Variants in SLFN13 observed in about 807,000 individuals in gnomAD.
SLFN13 encodes schlafen-13.
SLFN13 carries 43 observed loss-of-function variants against 50.6 expected under a neutral mutation model. That is an observed-to-expected ratio of 0.85 (90% CI 0.67 to 1.09). The LOEUF (loss-of-function observed/expected upper bound fraction) is 1.09. SLFN13 is among the 50% of genes least tolerant of loss of function. The probability of loss-of-function intolerance (pLI) is 0.00; values close to 1 mark genes in which losing one functional copy is unlikely to be tolerated. For missense variants in SLFN13, 881 were observed against 1,071.1 expected (o/e 0.82, Z 2.48); for synonymous variants, 339 against 386.5 (o/e 0.88, Z 1.44).
Position 35,445,378 on chromosome 17 carries a change from G to A in SLFN13, c.303C>T (p.His101=), listed in dbSNP as rs758338060. The change falls in exon 3 of 6, where the codon CAC becomes CAT. Residue 101 remains histidine, a synonymous_variant. Transcript: ENST00000285013. ...YLQAFFETKQ[H]GRCFYIFVKS... ...TAACAAAAATATAAAAACACCTTCC[G>A]TGTTGCTTAGTCTCAAAGAAAGCCT... is the stretch of plus-strand genomic sequence containing the variant. 15 of 1,613,944 alleles carry A rather than the reference G, an allele frequency of 9.3e-6. No homozygotes were observed. The highest frequency in any genetic ancestry group is 3.3e-5 in the Admixed American group (2 of 59,994).
rs146591920 is a variant in SLFN13 at position 35,444,544 on chromosome 17, A to G, written c.1066+71T>C. 2.7e-5 allele frequency: 37 copies of G among 1,351,406 alleles called. No individual in the cohort carries two copies. In the East Asian group the frequency reaches 6.7e-4, roughly 25 times the overall value. The allele number at this position is 1,351,406 out of a possible 1,614,324, so 83.7% of individuals were successfully genotyped here. ...GTGGGTGTGAGAAGGTCAAGCTTAG[A>G]GAATAAAGAAGGAAGTGGTATTGGG... On this transcript the variant is annotated intron_variant, in intron 3 of 5. Transcript: ENST00000285013.
rs1018463225 is a variant in SLFN13, at chr17:35,439,559, C to CCT, written c.*1034_*1035dup. 3.3e-4 allele frequency: 50 copies of CCT among 152,180 alleles called. No homozygotes were observed. Among genetic ancestry groups the CCT allele is most frequent in the African/African-American group, 1.0e-3 (42 of 41,440 alleles). 9.4% of individuals were successfully genotyped at this position (152,180 alleles called of 1,614,324 possible). A position where few individuals can be genotyped will look rare whatever the true frequency, so the allele number is the denominator to read the frequency against. ...GTGACATGATCTCAGCTCACTGCAACCTCTGCCTCCAGGATTCAAGTGATT... is the reference window on the plus strand; with the variant it reads ...GTGACATGATCTCAGCTCACTGCAACCTCTCTGCCTCCAGGATTCAAGTGATT... On this transcript the variant is annotated 3_prime_UTR_variant, in exon 6 of 6. Transcript: ENST00000285013.
chr17:35,441,509 A>G, intron 5 of SLFN13, 54 bp downstream of exon 5: 2 of 1,609,390 alleles, frequency 1.2e-6, no homozygotes, highest in South Asian at 1.1e-5. Flanking sequence ...ACTTAGCAGA[A>G]AAAATTAAAC....
chr17:35,437,329 C>T lies in SLFN13; in HGVS notation c.*3266G>A, dbSNP rs760832740. On this transcript the variant is annotated 3_prime_UTR_variant, in exon 6 of 6. Coordinates refer to ENST00000285013, the MANE Select transcript of SLFN13 (RefSeq NM_144682.6). Reference sequence around the variant, plus strand: ...GCCTCGGCCTCTGGAATAGCTAGGACTGCAGGAGCACACCACCACACCCAG... The same window carrying T: ...GCCTCGGCCTCTGGAATAGCTAGGATTGCAGGAGCACACCACCACACCCAG... The T allele has an allele frequency of 4.6e-5, 7 of 152,032 alleles. No homozygotes were observed. The highest frequency in any genetic ancestry group is 8.8e-5 in the Non-Finnish European group (6 of 68,058). 9.4% of individuals were successfully genotyped at this position (152,032 alleles called of 1,614,324 possible). A position where few individuals can be genotyped will look rare whatever the true frequency, so the allele number is the denominator to read the frequency against.
At position 35,440,335 on chromosome 17, in the gene SLFN13, G is replaced by T; in HGVS notation, c.*260C>A. 3 of 544,092 alleles carry T rather than the reference G, an allele frequency of 5.5e-6. No individual in the cohort carries two copies. Among genetic ancestry groups the T allele is most frequent in the South Asian group, 4.7e-5 (2 of 42,926 alleles). 33.7% of individuals were successfully genotyped at this position (544,092 alleles called of 1,614,324 possible). ...GTCTGCATTGTGCAGCACAGCTAAA[G>T]TTCCTTTAGAAAACCACCATCTTTC... On this transcript the variant is annotated 3_prime_UTR_variant, in exon 6 of 6. Transcript: ENST00000285013.
In SLFN13 at chr17:35,440,725, C is replaced by T. The variant is rs771148981; in HGVS notation, c.2564G>A (p.Arg855Gln). ...LGVHIVLDSV[R>Q]RFSGLERSIV... ...GCTCCTTTCCAGGCCTGAGAATCGC[C>T]GGACACTGTCCAACACAATGTGCAC... is the stretch of plus-strand genomic sequence containing the variant. The change falls in exon 6 of 6, where the codon CGG (arginine) becomes CAG (glutamine). Residue 855 changes from arginine to glutamine, a missense_variant. By Grantham distance (43) the Arg-to-Gln change is conservative (BLOSUM62 1). Around this residue, in one of 5 missense-constraint regions of SLFN13, gnomAD observed 322 missense variants for 327.4 expected, o/e 0.98. Coordinates refer to ENST00000285013, the MANE Select transcript of SLFN13 (RefSeq NM_144682.6). The T allele has an allele frequency of 1.4e-5, 22 of 1,613,992 alleles. 1 individual carries two copies. Among genetic ancestry groups the T allele is most frequent in the East Asian group, 8.9e-5 (4 of 44,898 alleles).
rs902182556 is a variant in SLFN13 at position 35,442,286 on chromosome 17, A to G, written c.1199T>C (p.Val400Ala). 5.8e-6 allele frequency: 9 copies of G among 1,562,884 alleles called. No individual in the cohort carries two copies. Among genetic ancestry groups the G allele is most frequent in the South Asian group, 1.2e-5 (1 of 83,264 alleles). ...AGTACATTCCAAATGTCCTGGTGGA[A>G]CTAGACAGGAAGAAAATAGAAAGAT... ...KADLQQHLFP[V>A]PPGHLECTPE... The change falls in exon 5 of 6, where the codon GTT becomes GCT. Residue 400 changes from valine to alanine, a missense_variant and splice_region_variant. Val to Ala is a moderately conservative substitution (Grantham distance 64). Coordinates refer to ENST00000285013, the MANE Select transcript of SLFN13 (RefSeq NM_144682.6).
Position 35,435,096 on chromosome 17 carries a change from G to A in SLFN13, c.*5499C>T, listed in dbSNP as rs1306439184. 6.6e-6 allele frequency: 1 copy of A among 151,928 alleles called. No homozygotes were observed. The highest frequency in any genetic ancestry group is 6.5e-5 in the Admixed American group (1 of 15,272). The allele number at this position is 151,928 out of a possible 1,614,324, so 9.4% of individuals were successfully genotyped here. A position where few individuals can be genotyped will look rare whatever the true frequency, so the allele number is the denominator to read the frequency against. ...AGTGAGCAGAGTAAAAACATTCACA[G>A]AACTTTTAAATTATGTTTTTATTAA... On this transcript the variant is annotated 3_prime_UTR_variant, in exon 6 of 6. Coordinates refer to ENST00000285013, the MANE Select transcript of SLFN13 (RefSeq NM_144682.6).
chr17:35,441,259 T>C lies in SLFN13; in HGVS notation c.2030A>G (p.Asp677Gly). The stretch of plus-strand genomic sequence containing the variant: ...TTTTGCCTTCCTATACCAGTCCCCA[T>C]CTTCAGTACGGAAATTCTGAGCTTC... ...IDEAQNFRTEDGDWYRKAKTI... is the reference protein window; with the variant it reads ...IDEAQNFRTEGGDWYRKAKTI... Residue 677 changes from aspartate to glycine, a missense_variant, in exon 6 of 6, where the codon GAT (aspartate) becomes GGT (glycine). By Grantham distance (94) the Asp-to-Gly change is moderately conservative. Around this residue, in one of 5 missense-constraint regions of SLFN13, gnomAD observed 322 missense variants for 327.4 expected, o/e 0.98. Coordinates refer to ENST00000285013, the MANE Select transcript of SLFN13 (RefSeq NM_144682.6). 3.7e-6 allele frequency: 6 copies of C among 1,614,088 alleles called. No individual in the cohort carries two copies. The highest frequency in any genetic ancestry group is 5.1e-6 in the Non-Finnish European group (6 of 1,180,006).
In SLFN13 at chr17:35,440,507, C is replaced by T; in HGVS notation, c.*88G>A. On this transcript the variant is annotated 3_prime_UTR_variant, in exon 6 of 6. Coordinates refer to ENST00000285013, the MANE Select transcript of SLFN13 (RefSeq NM_144682.6). Reference sequence around the variant, plus strand: ...TCCAAATCTCTAACTGACTTGTGAACTAAAAAGAAAGGTTTCTACCATCAG... The same window carrying T: ...TCCAAATCTCTAACTGACTTGTGAATTAAAAAGAAAGGTTTCTACCATCAG... 2 of 1,471,108 alleles carry T rather than the reference C, an allele frequency of 1.4e-6. No homozygotes were observed. The highest frequency in any genetic ancestry group is 1.9e-6 in the Non-Finnish European group (2 of 1,079,082). 91.1% of individuals were successfully genotyped at this position (1,471,108 alleles called of 1,614,324 possible).
At chr17:35,449,113 AATGTAGTCTCAG>A (rs1416761642), upstream of SLFN13, among the ~76,000 whole-genome samples, 33 of 151,974 alleles carry the variant, frequency 2.2e-4, no homozygotes, top group South Asian at 5.8e-3. Flanking sequence ...TGTAGACTCA[AATGTAGTCTCAG>A]ATGCCCGGGA....
Position 35,441,593 on chromosome 17 carries a change from C to A in SLFN13, c.1892G>T (p.Cys631Phe), listed in dbSNP as rs1265559925. 2 of 1,600,712 alleles carry A rather than the reference C, an allele frequency of 1.2e-6. No homozygotes were observed. Among genetic ancestry groups the A allele is most frequent in the Non-Finnish European group, 1.7e-6 (2 of 1,176,474 alleles). The change falls in exon 5 of 6, where the codon TGT becomes TTT. Residue 631 changes from cysteine (C) to phenylalanine (F), a missense_variant. Coordinates refer to ENST00000285013, the MANE Select transcript of SLFN13 (RefSeq NM_144682.6). ...HCEAHRILYV[C>F]ENQPLRNFIS... is the part of the protein sequence containing the mutation. The stretch of plus-strand genomic sequence containing the variant: ...AAAGTTCCTCAGAGGCTGGTTTTCA[C>A]AAACGTAGAGAATTCTGTGTGCCTC...
At position 35,440,912 on chromosome 17, in the gene SLFN13, C is replaced by A; in HGVS notation, c.2377G>T (p.Ala793Ser). 1 of 1,614,034 alleles carries A rather than the reference C, an allele frequency of 6.2e-7. No individual in the cohort carries two copies. The highest frequency in any genetic ancestry group is 1.1e-5 in the South Asian group (1 of 91,088). The change falls in exon 6 of 6, where the codon GCA becomes TCA. Residue 793 changes from alanine to serine, a missense_variant. Ala to Ser is a moderately conservative substitution (Grantham distance 99). This residue lies in a region of SLFN13 where 322 missense variants were observed against 327.4 expected (regional missense o/e 0.98). Coordinates refer to ENST00000285013, the MANE Select transcript of SLFN13 (RefSeq NM_144682.6). ...TCAAAGAAGCACCTGCAGGTGTCTG[C>A]CACATAGGTCACTATTTGCTCCAAA... is the stretch of plus-strand genomic sequence containing the variant. ...FTLEQIVTYVADTCRCFFERG... is the reference protein window; with the variant it reads ...FTLEQIVTYVSDTCRCFFERG...
At chr17:35,449,418 C>G (rs1200778804), upstream of SLFN13, among the ~76,000 whole-genome samples, 1 of 152,106 alleles carries the variant, frequency 6.6e-6, no homozygotes, top group Non-Finnish European at 1.5e-5. Context: ...GCCAAGCTCT[C>G]GCCCGAGCTT....
At position 35,441,220 on chromosome 17, in the gene SLFN13, C is replaced by T; in HGVS notation, c.2069G>A (p.Arg690Lys). The part of the protein sequence containing the change: ...WYRKAKTITQ[R>K]EKDCPGVLWI... ...GAGAACTCCTGGACAATCCTTTTCT[C>T]TCTGAGTGATGGTTTTTGCCTTCCT... Residue 690 changes from arginine to lysine, a missense_variant, in exon 6 of 6, where the codon AGA (arginine) becomes AAA (lysine). Transcript: ENST00000285013. The T allele has an allele frequency of 6.2e-7, 1 of 1,614,102 alleles. No individual in the cohort carries two copies. The highest frequency in any genetic ancestry group is 1.3e-5 in the African/African-American group (1 of 75,032).
rs139899726 is a variant in SLFN13 at position 35,441,349 on chromosome 17, C to T, written c.1940G>A (p.Arg647Gln). The T allele has an allele frequency of 7.6e-4, 1,222 of 1,605,092 alleles. 13 individuals carry two copies. The highest frequency in any genetic ancestry group is 7.1e-4 in the Non-Finnish European group (831 of 1,177,158). The change falls in exon 6 of 6, where the codon CGA becomes CAA. Residue 647 changes from arginine to glutamine, a missense_variant. This residue lies in a region of SLFN13 where 322 missense variants were observed against 327.4 expected (regional missense o/e 0.98). Coordinates refer to ENST00000285013, the MANE Select transcript of SLFN13 (RefSeq NM_144682.6). ...TAGGAAAGTTTCCCGGGTCTCTGCT[C>T]GGCAGATATTTCTATCACTGTAAAA... ...RNFISDRNIC[R>Q]AETRETFLRE...
chr17:35,441,912 C>A lies in SLFN13; in HGVS notation c.1573G>T (p.Ala525Ser), dbSNP rs1217917481. ...ATCGGAGACACTGCAGCCTCCAAGG[C>A]CTCTGCGCTGCTCTCAGGACTCAGG... ...LCLSPESSAE[A>S]LEAAVSPMDY... Residue 525 changes from alanine to serine, a missense_variant, in exon 5 of 6, where the codon GCC becomes TCC. Transcript: ENST00000285013. 5.0e-6 allele frequency: 8 copies of A among 1,611,360 alleles called. No homozygotes were observed. The highest frequency in any genetic ancestry group is 6.8e-6 in the Non-Finnish European group (8 of 1,178,886).
At position 35,436,786 on chromosome 17, in the gene SLFN13, A is replaced by T. The variant is rs1021963020; in HGVS notation, c.*3809T>A. 2 of 152,230 alleles carry T rather than the reference A, an allele frequency of 1.3e-5. No individual in the cohort carries two copies. Among genetic ancestry groups the T allele is most frequent in the Non-Finnish European group, 2.9e-5 (2 of 68,046 alleles). 9.4% of individuals were successfully genotyped at this position (152,230 alleles called of 1,614,324 possible). A position where few individuals can be genotyped will look rare whatever the true frequency, so the allele number is the denominator to read the frequency against. ...ATAGTGTCAAAGATATGACAAAGAC[A>T]GATTAACATCTCCAGATTAAATGAG... On this transcript the variant is annotated 3_prime_UTR_variant, in exon 6 of 6. Coordinates refer to ENST00000285013, the MANE Select transcript of SLFN13 (RefSeq NM_144682.6).
At chr17:35,441,465 T>C (rs1567861211) in intron 5 of SLFN13, 98 bp downstream of exon 5, 2 of 1,590,624 alleles carry the variant, frequency 1.3e-6, no homozygotes, top group Admixed American at 1.7e-5. Context: ...TTGCCACAGA[T>C]CATTTTACCA....
Sources: allele counts gnomAD v4.1 joint callset (sites outside exome capture counted in the v4.1 genomes callset), GRCh38; gene constraint gnomAD v4.1.1; regional missense constraint gnomAD v4.1.1; transcripts MANE v1.5; gene names NCBI Gene and HGNC (gene_info 2026-07-23, HGNC 2026-07-21).